PDSS2: variants seen among roughly 807,000 people sequenced by gnomAD.
PDSS2 encodes decaprenyl diphosphate synthase subunit 2.
A neutral mutation model predicts 44.5 loss-of-function variants in PDSS2; 31 were observed. That is an observed-to-expected ratio of 0.70 (90% CI 0.52 to 0.94). The LOEUF (loss-of-function observed/expected upper bound fraction) is 0.94, where lower values mean the gene tolerates loss of function less well. Among genes scored for constraint, PDSS2 ranks in the 40% least tolerant of loss-of-function variants. PDSS2 has a pLI of 0.00. For missense variants in PDSS2, 452 were observed against 482.2 expected (o/e 0.94, Z 0.59); for synonymous variants, 157 against 180.3 (o/e 0.87, Z 1.03).
intron 6 of PDSS2, among the ~76,000 whole-genome samples, chr6:107,200,410 A>C (rs1038306871): frequency 1.3e-5 from 2 of 152,184 alleles, no homozygotes; most frequent in African/African-American, 2.4e-5. Context: ...ATGTATTGGA[A>C]TCACCTGGGT....
chr6:107,203,375 C>A (rs1027458437), intron 6 of PDSS2, among the ~76,000 whole-genome samples: 1 of 152,260 alleles, frequency 6.6e-6, no homozygotes, highest in East Asian at 1.9e-4. Flanking sequence ...ATGAGTTTTA[C>A]GCTTAACCTC....
intron 7 of PDSS2, among the ~76,000 whole-genome samples, chr6:107,178,424 T>G (rs904985835): frequency 6.6e-6 from 1 of 152,226 alleles, no homozygotes; most frequent in Admixed American, 6.5e-5. Context: ...TAACTTAGAT[T>G]GTGCCTCTTT....
intron 1 of PDSS2, among the ~76,000 whole-genome samples, chr6:107,374,020 G>T (rs149902345): frequency 6.6e-6 from 1 of 152,116 alleles, no homozygotes; most frequent in Non-Finnish European, 1.5e-5. Flanking sequence ...TTGGGAGGCC[G>T]AGGCACGGCA....
intron 1 of PDSS2, among the ~76,000 whole-genome samples, chr6:107,424,202 C>T (rs548062100): frequency 2.8e-4 from 42 of 151,808 alleles, no homozygotes; most frequent in South Asian, 1.5e-3. Context: ...TTACCACATC[C>T]GGCTAATTTC....
At chr6:107,225,164 T>TA (rs1289535741) in intron 4 of PDSS2, among the ~76,000 whole-genome samples, 6,337 of 42,728 alleles carry the variant, frequency 0.15, 465 homozygotes, top group South Asian at 0.31. Context: ...TATATATATT[T>TA]TTTTTTTTTT....
chr6:107,227,140 T>C (rs1483716252), intron 4 of PDSS2, among the ~76,000 whole-genome samples: 1 of 151,792 alleles, frequency 6.6e-6, no homozygotes, highest in African/African-American at 2.4e-5. Context: ...CCACCACATC[T>C]GGCTAATGTT....
chr6:107,201,083 G>A (rs1013220870), intron 6 of PDSS2, among the ~76,000 whole-genome samples: 16 of 151,926 alleles, frequency 1.1e-4, no homozygotes, highest in Admixed American at 8.5e-4. Flanking sequence ...CACACTGTTC[G>A]TCCCCAGAAG....
At chr6:107,266,088 G>A (rs937164897) in intron 3 of PDSS2, among the ~76,000 whole-genome samples, 16 of 152,138 alleles carry the variant, frequency 1.1e-4, no homozygotes, top group African/African-American at 3.9e-4. Context: ...GATAAAATAA[G>A]TCCTCTTCTG....
At chr6:107,272,184 C>T (rs1775625083) in intron 3 of PDSS2, among the ~76,000 whole-genome samples, 1 of 151,920 alleles carries the variant, frequency 6.6e-6, no homozygotes, top group African/African-American at 2.4e-5. Context: ...AAAACAGAGG[C>T]TGGAAGTACT....
Position 107,227,278 on chromosome 6 carries a change from C to CTTTTTTTTTTTTTTTTTTT in PDSS2, c.703-15015_703-14997dup, listed in dbSNP as rs60988844. Among the ~76,000 whole-genome samples the CTTTTTTTTTTTTTTTTTTT allele has an allele frequency of 1.2e-4, 12 of 102,816 alleles. 1 individual carries two copies. The highest frequency in any genetic ancestry group is 2.7e-4 in the East Asian group (1 of 3,684). The allele number at this position is 102,816 out of a possible 152,430, so 67.5% of individuals were successfully genotyped here. A position where few individuals can be genotyped will look rare whatever the true frequency, so the allele number is the denominator to read the frequency against. ...GATTATAGGTGTAAGCCACTGTGCC[C>CTTTTTTTTTTTTTTTTTTT]TTTTTTTTTTTTTTTTTTTTTTTTT... On this transcript the variant is annotated intron_variant, in intron 4 of 7. Coordinates refer to ENST00000369037, the MANE Select transcript of PDSS2 (RefSeq NM_020381.4).
intron 7 of PDSS2, among the ~76,000 whole-genome samples, chr6:107,181,661 C>T (rs1323569658): frequency 7.9e-5 from 12 of 151,042 alleles, no homozygotes; most frequent in Admixed American, 5.9e-4. Context: ...AGGCTGAGGC[C>T]GGTGGATCAC....
chr6:107,176,956 T>C (rs1271358340), intron 7 of PDSS2, among the ~76,000 whole-genome samples: 2 of 152,000 alleles, frequency 1.3e-5, no homozygotes, highest in Non-Finnish European at 2.9e-5. Context: ...GAAGGTCAAT[T>C]TGGATGACAG....
chr6:107,215,731 T>G (rs1456279282), intron 4 of PDSS2, among the ~76,000 whole-genome samples: 1 of 152,228 alleles, frequency 6.6e-6, no homozygotes, highest in Non-Finnish European at 1.5e-5. Context: ...AATAATTTAT[T>G]ATTAACATAA....
At chr6:107,453,396 T>C (rs1781937581) in intron 1 of PDSS2, among the ~76,000 whole-genome samples, 1 of 152,206 alleles carries the variant, frequency 6.6e-6, no homozygotes, top group African/African-American at 2.4e-5. Flanking sequence ...GTGTGAGGTT[T>C]AGGTCAAGGT....
intron 7 of PDSS2, among the ~76,000 whole-genome samples, chr6:107,188,321 G>A (rs1260074903): frequency 6.6e-6 from 1 of 152,000 alleles, no homozygotes; most frequent in Non-Finnish European, 1.5e-5. Context: ...GGAAGTTTCA[G>A]TGAGCTAAGG....
chr6:107,375,134 AAAG>A (rs1217621539), intron 1 of PDSS2, among the ~76,000 whole-genome samples: 5 of 152,096 alleles, frequency 3.3e-5, no homozygotes, highest in Admixed American at 2.0e-4. Flanking sequence ...TTATATTAGA[AAAG>A]AAAGATTTCA....
Position 107,154,564 on chromosome 6 carries a change from A to G in PDSS2, c.*55T>C, listed in dbSNP as rs892787742. The G allele has an allele frequency of 6.4e-7, 1 of 1,558,954 alleles. No homozygotes were observed. On this transcript the variant is annotated 3_prime_UTR_variant, in exon 8 of 8. Transcript: ENST00000369037. Reference sequence around the variant, plus strand: ...CGCATCGTGAAAGCGCTCCCAATCAACCTCATTCCCTAGGATTTTCAGCTA... The same window carrying G: ...CGCATCGTGAAAGCGCTCCCAATCAGCCTCATTCCCTAGGATTTTCAGCTA...
chr6:107,311,075 G>A (rs888823656), intron 2 of PDSS2, among the ~76,000 whole-genome samples: 3 of 151,284 alleles, frequency 2.0e-5, no homozygotes, highest in East Asian at 2.0e-4. Context: ...ACACCACCAC[G>A]CCCAGCTAAT....
intron 2 of PDSS2, among the ~76,000 whole-genome samples, chr6:107,302,024 A>G (rs1776713485): frequency 6.6e-6 from 1 of 151,932 alleles, no homozygotes; most frequent in Admixed American, 6.6e-5. Flanking sequence ...TTAGATAGTA[A>G]TGATAGTTGC....
Sources: gnomAD v4.1 joint callset for allele counts (sites outside exome capture counted in the v4.1 genomes callset) on GRCh38, gnomAD v4.1.1 for gene constraint, MANE v1.5 for transcripts, NCBI Gene and HGNC (gene_info 2026-07-23, HGNC 2026-07-21) for gene names.